The following DOCK1 variants were observed in gnomAD, a reference collection of about 807,000 sequenced individuals.
The protein encoded by DOCK1 is dedicator of cytokinesis protein 1.
A neutral mutation model predicts 262.7 loss-of-function variants in DOCK1; 138 were observed. The observed-to-expected ratio is 0.53, with a 90% CI of 0.46 to 0.61. DOCK1 has a LOEUF of 0.61. Ranked by LOEUF, DOCK1 falls within the 20% of genes least tolerant of loss-of-function variation. The pLI, the probability that DOCK1 is intolerant of heterozygous loss-of-function variation, is 0.00. For missense variants in DOCK1, 1,908 were observed against 2,370.7 expected (o/e 0.80, Z 4.05); for synonymous variants, 866 against 867.4 (o/e 1.00, Z 0.03).
chr10:127,195,917 C>G (rs539353821), intron 27 of DOCK1: 1 of 152,346 alleles, frequency 6.6e-6, no homozygotes, highest in Admixed American at 6.5e-5. Context: ...GGGTCGGCGC[C>G]CGTCCCAGCG....
chr10:127,354,539 G>A (rs1215221525), intron 31 of DOCK1, 130 bp from the exon 32 acceptor site: 3 of 1,014,022 alleles, frequency 3.0e-6, no homozygotes, highest in African/African-American at 3.2e-5. Context: ...GGCAAGAGAA[G>A]TTGAAGCTTT....
At chr10:127,003,843 A>G (rs1330869900) in intron 10 of DOCK1, among the ~76,000 whole-genome samples, 1 of 152,070 alleles carries the variant, frequency 6.6e-6, no homozygotes, top group African/African-American at 2.4e-5. Flanking sequence ...AGTCCCAGCT[A>G]TTTAGGAGGC....
At chr10:127,312,750 T>C (rs2062109242) in intron 29 of DOCK1, among the ~76,000 whole-genome samples, 1 of 152,036 alleles carries the variant, frequency 6.6e-6, no homozygotes, top group Non-Finnish European at 1.5e-5. Context: ...CCATTCTCCC[T>C]GTGCCTCCAC....
chr10:127,395,334 T>G (rs2066755943), intron 38 of DOCK1, among the ~76,000 whole-genome samples: 1 of 152,094 alleles, frequency 6.6e-6, no homozygotes, highest in African/African-American at 2.4e-5. Flanking sequence ...AGTAGTCATG[T>G]CCTGGCAGGT....
chr10:127,282,248 TTCTC>T (rs146601755), intron 29 of DOCK1, among the ~76,000 whole-genome samples: 8 of 149,304 alleles, frequency 5.4e-5, no homozygotes, highest in Admixed American at 2.0e-4. Flanking sequence ...TCTGTCTCTT[TTCTC>T]TCTCTCTCTC....
chr10:126,969,461 G>T (rs186745674), intron 1 of DOCK1, among the ~76,000 whole-genome samples: 61 of 152,360 alleles, frequency 4.0e-4, no homozygotes, highest in African/African-American at 1.2e-3. Flanking sequence ...GGCAGGAAAT[G>T]TTGAAAGGTG....
chr10:127,187,874 CTGTT>C (rs1202644921), intron 27 of DOCK1, among the ~76,000 whole-genome samples: 4 of 152,200 alleles, frequency 2.6e-5, no homozygotes, highest in African/African-American at 9.7e-5. Flanking sequence ...CTGGGTTCCA[CTGTT>C]TGTTTTAAAT....
rs2067389220 is a variant in DOCK1 at position 127,404,317 on chromosome 10, C to T, written c.4018-8C>T. The T allele has an allele frequency of 1.2e-6, 2 of 1,609,668 alleles. No individual in the cohort carries two copies. The highest frequency in any genetic ancestry group is 1.7e-6 in the Non-Finnish European group (2 of 1,177,860). Reference sequence around the variant, plus strand: ...AAACCTGAAATGCATTTTCTTTTTTCCTTCCAGAAAAAACAGGCTCAGTTT... The same window carrying T: ...AAACCTGAAATGCATTTTCTTTTTTTCTTCCAGAAAAAACAGGCTCAGTTT... On this transcript the variant is annotated splice_region_variant and splice_polypyrimidine_tract_variant and intron_variant, in intron 39 of 51. Coordinates refer to ENST00000623213, the MANE Select transcript of DOCK1 (RefSeq NM_001290223.2).
intron 1 of DOCK1, among the ~76,000 whole-genome samples, chr10:126,917,352 C>A (rs1013271689): frequency 6.6e-6 from 1 of 152,204 alleles, no homozygotes; most frequent in Admixed American, 6.5e-5. Flanking sequence ...TTTTTCACAG[C>A]TCAACCAACA....
chr10:127,249,729 CAT>C (rs956172935), intron 28 of DOCK1, among the ~76,000 whole-genome samples: 1 of 152,190 alleles, frequency 6.6e-6, no homozygotes, highest in Admixed American at 6.5e-5. Flanking sequence ...GGACCACTGA[CAT>C]ATACACAGTC....
chr10:127,230,331 A>G (rs2058795653), intron 27 of DOCK1, among the ~76,000 whole-genome samples: 1 of 152,138 alleles, frequency 6.6e-6, no homozygotes, highest in African/African-American at 2.4e-5. Context: ...GTTATATCCA[A>G]AAACTCATTG....
At chr10:126,951,825 A>T (rs2134406905) in intron 1 of DOCK1, among the ~76,000 whole-genome samples, 2 of 150,760 alleles carry the variant, frequency 1.3e-5, no homozygotes, top group East Asian at 3.9e-4. Context: ...TGAGTAAATG[A>T]CTATGTAACT....
intron 29 of DOCK1, among the ~76,000 whole-genome samples, chr10:127,329,203 A>C (rs926550315): frequency 2.5e-4 from 38 of 152,134 alleles, no homozygotes; most frequent in African/African-American, 9.2e-4. Context: ...CACCCCGGCA[A>C]GCAGAGCATC....
At chr10:127,041,303 G>A (rs1256918550) in intron 19 of DOCK1, among the ~76,000 whole-genome samples, 4 of 152,146 alleles carry the variant, frequency 2.6e-5, no homozygotes, top group Admixed American at 6.5e-5. Flanking sequence ...TCTCCATGTT[G>A]GTCAGGCTGG....
Position 126,964,019 on chromosome 10 carries a change from C to A in DOCK1, c.47-6683C>A, listed in dbSNP as rs939034268. ...CCAAGTGGGTGCCATCTAAAGCTGC[C>A]TGATGAATTTATCCTTTTATTTGTG... On this transcript the variant is annotated intron_variant, in intron 1 of 51. Coordinates refer to ENST00000623213, the MANE Select transcript of DOCK1 (RefSeq NM_001290223.2). 3.7e-4 allele frequency among the ~76,000 whole-genome samples: 57 copies of A among 152,228 alleles called. No homozygotes were observed. In the East Asian group the frequency reaches 0.011, roughly 28 times the overall value.
intron 27 of DOCK1, among the ~76,000 whole-genome samples, chr10:127,229,810 G>C (rs565255280): frequency 6.6e-6 from 1 of 152,218 alleles, no homozygotes; most frequent in Non-Finnish European, 1.5e-5. Context: ...CCTCCATTGT[G>C]CTTTCCGTAA....
chr10:126,957,007 A>G (rs1210801333), intron 1 of DOCK1, among the ~76,000 whole-genome samples: 1 of 152,136 alleles, frequency 6.6e-6, no homozygotes, highest in Admixed American at 6.5e-5. Flanking sequence ...TGGAGGGAAC[A>G]TGGGCTCTCC....
At chr10:127,303,223 C>A (rs1294878459) in intron 29 of DOCK1, among the ~76,000 whole-genome samples, 1 of 152,134 alleles carries the variant, frequency 6.6e-6, no homozygotes, top group African/African-American at 2.4e-5. Flanking sequence ...TGGAAAATTA[C>A]TAAGAGGACA....
At chr10:127,138,418 T>G (rs1212695546) in intron 27 of DOCK1, among the ~76,000 whole-genome samples, 1 of 152,100 alleles carries the variant, frequency 6.6e-6, no homozygotes, top group Non-Finnish European at 1.5e-5. Flanking sequence ...CTATACCAAG[T>G]GCACGCAAGG....
Sources: allele counts gnomAD v4.1 joint callset (sites outside exome capture counted in the v4.1 genomes callset), GRCh38; gene constraint gnomAD v4.1.1; transcripts MANE v1.5; gene names NCBI Gene and HGNC (gene_info 2026-07-23, HGNC 2026-07-21).